The following ZDHHC7 variants were observed in gnomAD, a reference collection of about 807,000 sequenced individuals.
ZDHHC7 encodes the protein zDHHC palmitoyltransferase 7, also known as palmitoyltransferase ZDHHC7.
In ZDHHC7, 12 loss-of-function variants were observed where a neutral mutation model predicts 34.1. The ratio of observed to expected loss-of-function variants is 0.35; its 90% confidence interval spans 0.23 to 0.57. The LOEUF is 0.57. ZDHHC7 is among the 20% of genes least tolerant of loss of function. The pLI is 0.84. For missense variants in ZDHHC7, 388 were observed against 402.7 expected (o/e 0.96, Z 0.31); for synonymous variants, 185 against 155.4 (o/e 1.19, Z -1.42).
At chr16:84,979,144 A>G (rs2072335358) in intron 5 of ZDHHC7, 45 bp downstream of exon 5, 1 of 1,559,682 alleles carries the variant, frequency 6.4e-7, no homozygotes, top group Non-Finnish European at 8.7e-7. Context: ...CAGTTAAAGA[A>G]TTTCAAATTC....
intron 1 of ZDHHC7, among the ~76,000 whole-genome samples, chr16:85,007,135 G>C (rs1597565418): frequency 1.3e-5 from 2 of 152,020 alleles, no homozygotes; most frequent in African/African-American, 2.4e-5. Context: ...TTCAAGAATG[G>C]AATGGAGGCT....
chr16:84,988,948 G>C (rs2072473195), intron 3 of ZDHHC7: 3 of 1,445,414 alleles, frequency 2.1e-6, no homozygotes, highest in East Asian at 2.5e-5. Flanking sequence ...TTGTCGAAGT[G>C]CCTGGGCACT....
chr16:85,008,111 C>G (rs1480198309), intron 1 of ZDHHC7, among the ~76,000 whole-genome samples: 1 of 152,052 alleles, frequency 6.6e-6, no homozygotes, highest in Non-Finnish European at 1.5e-5. Context: ...GCAAGACCCT[C>G]TCAAAGCAAA....
chr16:85,000,539 A>C (rs1001867581), intron 1 of ZDHHC7, among the ~76,000 whole-genome samples: 3 of 152,222 alleles, frequency 2.0e-5, no homozygotes, highest in Non-Finnish European at 4.4e-5. Flanking sequence ...CACTGCTAAG[A>C]ATGTCCACCC....
rs771426924 is a variant in ZDHHC7 at position 84,982,009 on chromosome 16, G to T, written c.316-15C>A. ...GGTACTGCCCCCTACCATATAAGAAGAATGTACTTTAGTTGGGGAGAATGA... is the reference window on the plus strand; with the variant it reads ...GGTACTGCCCCCTACCATATAAGAATAATGTACTTTAGTTGGGGAGAATGA... On this transcript the variant is annotated splice_polypyrimidine_tract_variant and intron_variant, in intron 3 of 7. Coordinates refer to ENST00000313732, the MANE Select transcript of ZDHHC7 (RefSeq NM_017740.3). 9.9e-6 allele frequency: 16 copies of T among 1,613,900 alleles called. No homozygotes were observed. The South Asian group carries it at 1.8e-4, about 18-fold the overall frequency.
At chr16:85,014,063 C>T (rs2072824458), upstream of ZDHHC7, among the ~76,000 whole-genome samples, 1 of 152,142 alleles carries the variant, frequency 6.6e-6, no homozygotes. Flanking sequence ...TCTTTTCCTC[C>T]CCTACACACC....
At chr16:84,997,895 TAAAAAAAAAAAA>T (rs751166134) in intron 1 of ZDHHC7, among the ~76,000 whole-genome samples, 9 of 64,430 alleles carry the variant, frequency 1.4e-4, no homozygotes, top group Admixed American at 2.1e-4. Context: ...AGACTCCGTC[TAAAAAAAAAAAA>T]AAAAAAAAAA....
intron 1 of ZDHHC7, among the ~76,000 whole-genome samples, chr16:85,001,907 C>T (rs2072657690): frequency 7.8e-6 from 1 of 128,286 alleles, no homozygotes; most frequent in Admixed American, 8.5e-5. Context: ...TAAAAGGAAC[C>T]AGGACTGAGG....
chr16:84,983,419 A>G (rs2072396025), intron 3 of ZDHHC7, among the ~76,000 whole-genome samples: 2 of 152,108 alleles, frequency 1.3e-5, no homozygotes, highest in African/African-American at 4.8e-5. Flanking sequence ...TCAGCAGGTG[A>G]GCGCCCTGCA....
chr16:85,009,149 T>C (rs2072756275), intron 1 of ZDHHC7, among the ~76,000 whole-genome samples: 1 of 152,042 alleles, frequency 6.6e-6, no homozygotes, highest in African/African-American at 2.4e-5. Flanking sequence ...TCACGAAAAC[T>C]ATTCAATGTT....
the ZDHHC7 span, among the ~76,000 whole-genome samples, chr16:85,024,829 T>C: frequency 6.6e-6 from 1 of 152,200 alleles, no homozygotes; most frequent in Non-Finnish European, 1.5e-5. Context: ...CAGAGATTGG[T>C]TCCAGGGGAT....
chr16:84,991,951 G>A (rs2072515078), intron 2 of ZDHHC7, among the ~76,000 whole-genome samples: 1 of 151,944 alleles, frequency 6.6e-6, no homozygotes, highest in African/African-American at 2.4e-5. Flanking sequence ...TGTAATCCCA[G>A]CACTTTGGGA....
At chr16:85,008,915 C>G (rs533323499) in intron 1 of ZDHHC7, among the ~76,000 whole-genome samples, 1 of 151,736 alleles carries the variant, frequency 6.6e-6, no homozygotes, top group Non-Finnish European at 1.5e-5. Flanking sequence ...CACGGTGGCT[C>G]AGGCCTGTAA....
At chr16:85,005,215 G>C (rs2072703828) in intron 1 of ZDHHC7, among the ~76,000 whole-genome samples, 1 of 152,306 alleles carries the variant, frequency 6.6e-6, no homozygotes, top group African/African-American at 2.4e-5. Flanking sequence ...AATCAGGCTG[G>C]TATTCCCAAC....
chr16:85,005,863 T>C (rs1331468887), intron 1 of ZDHHC7, among the ~76,000 whole-genome samples: 1 of 152,196 alleles, frequency 6.6e-6, no homozygotes, highest in Non-Finnish European at 1.5e-5. Context: ...CAGGATTGAT[T>C]CACCACCTTT....
At chr16:84,978,114 T>C (rs2072322129) in intron 5 of ZDHHC7, 109 bp from the exon 6 acceptor site, 2 of 756,302 alleles carry the variant, frequency 2.6e-6, no homozygotes, top group East Asian at 6.2e-5. Flanking sequence ...CTCAGCTCAC[T>C]GCAACCTCCG....
chr16:85,013,119 A>G (rs2072815525), upstream of ZDHHC7, among the ~76,000 whole-genome samples: 1 of 151,226 alleles, frequency 6.6e-6, no homozygotes, highest in South Asian at 2.1e-4. Context: ...AGGAATCTGC[A>G]AACAAACCTT....
At position 84,974,720 on chromosome 16, in the gene ZDHHC7, CTT is replaced by C. The variant is rs1555512939; in HGVS notation, c.*1621_*1622del. On this transcript the variant is annotated 3_prime_UTR_variant, in exon 8 of 8. Coordinates refer to ENST00000313732, the MANE Select transcript of ZDHHC7 (RefSeq NM_017740.3). ...ACTGGCGTCTCCAGGATCACCCACA[CTT>C]TGTCCCTCTGGCTGTGACGCAGCTC... The C allele has an allele frequency of 1.3e-5, 2 of 152,688 alleles. No homozygotes were observed. Among genetic ancestry groups the C allele is most frequent in the Non-Finnish European group, 2.9e-5 (2 of 68,054 alleles). 9.5% of individuals were successfully genotyped at this position (152,688 alleles called of 1,614,324 possible).
At position 85,001,827 on chromosome 16, in the gene ZDHHC7, C is replaced by T. The variant is rs1392902054; in HGVS notation, c.-103-5820G>A. Among the ~76,000 whole-genome samples the T allele has an allele frequency of 3.9e-5, 6 of 152,186 alleles. No individual in the cohort carries two copies. The East Asian group carries it at 5.8e-4, about 15-fold the overall frequency. On this transcript the variant is annotated intron_variant, in intron 1 of 7. Coordinates refer to ENST00000313732, the MANE Select transcript of ZDHHC7 (RefSeq NM_017740.3). ...CTGGACTCAAGCGATCTTCCCATGT[C>T]GGCCAAAGTGCTGGGATTATAGGTG... is the stretch of plus-strand genomic sequence containing the variant.
Sources: allele counts gnomAD v4.1 joint callset (sites outside exome capture counted in the v4.1 genomes callset), GRCh38; gene constraint gnomAD v4.1.1; transcripts MANE v1.5; gene names NCBI Gene and HGNC (gene_info 2026-07-23, HGNC 2026-07-21).